Variants in OGT observed in about 807,000 individuals in gnomAD.
OGT encodes O-linked N-acetylglucosamine (GlcNAc) transferase, also known as UDP-N-acetylglucosamine--peptide N-acetylglucosaminyltransferase 110 kDa subunit.
OGT carries 3 observed loss-of-function variants against 75.8 expected under a neutral mutation model. That is an observed-to-expected ratio of 0.04 (90% CI 0.02 to 0.10). The LOEUF is 0.10. OGT is among the 10% of genes least tolerant of loss of function. The probability of loss-of-function intolerance (pLI) is 1.00; values close to 1 mark genes in which losing one functional copy is unlikely to be tolerated. For synonymous variants in OGT, 257 were observed against 289.7 expected, an observed-to-expected ratio of 0.89 and a Z score of 1.15; for missense variants, 260 against 824.4, an observed-to-expected ratio of 0.32 and a Z score of 8.38.
In OGT at chrX:71,559,620, C is replaced by T. The variant is rs776321301; in HGVS notation, c.1794C>T (p.Gly598=). ...VFCYALSPDD[G]TNFRVKVMAE... ...GTTATGCCCTGAGCCCAGACGATGGCACAAACTTCCGAGTGAAGGTGATGG... is the reference window on the plus strand; with the variant it reads ...GTTATGCCCTGAGCCCAGACGATGGTACAAACTTCCGAGTGAAGGTGATGG... Residue 598 remains glycine, a synonymous_variant, in exon 14 of 22, where the codon GGC becomes GGT. Transcript: ENST00000373719. The T allele has an allele frequency of 1.7e-6, 2 of 1,210,922 alleles. No individual in the cohort carries two copies. Among genetic ancestry groups the T allele is most frequent in the Admixed American group, 4.3e-5 (2 of 46,027 alleles).
At position 71,558,576 on chromosome X, in the gene OGT, C is replaced by T. The variant is rs1481689324; in HGVS notation, c.1603-691C>T. 4.2e-4 allele frequency among the ~76,000 whole-genome samples: 46 copies of T among 108,704 alleles called. No individual in the cohort carries two copies. The Admixed American group carries it at 4.5e-3, about 11-fold the overall frequency. 94.4% of individuals were successfully genotyped at this position (108,704 alleles called of 115,157 possible). Reference sequence around the variant, plus strand: ...GGGCTTTGCCATGCTAGGCTGGTCTCGAAATCCTGACCTCAGGTGATCCAC... The same window carrying T: ...GGGCTTTGCCATGCTAGGCTGGTCTTGAAATCCTGACCTCAGGTGATCCAC... On this transcript the variant is annotated intron_variant, in intron 12 of 21. Coordinates refer to ENST00000373719, the MANE Select transcript of OGT (RefSeq NM_181672.3).
At chrX:71,557,173 TC>T (rs2040348674) in intron 10 of OGT, 21 bp from the exon 11 acceptor site, 13 of 1,202,669 alleles carry the variant, frequency 1.1e-5, no homozygotes, top group Non-Finnish European at 1.4e-5. Flanking sequence ...TTTTTTACCA[TC>T]CTGCTTTATT....
At chrX:71,568,218 T>A in intron 21 of OGT, 102 bp downstream of exon 21, 1 of 664,010 alleles carries the variant, frequency 1.5e-6, no homozygotes, top group Non-Finnish European at 2.2e-6. Flanking sequence ...ATAGGTGAAC[T>A]AGTTGTATGC....
At chrX:71,555,598 T>C (rs2040337359) in intron 7 of OGT, among the ~76,000 whole-genome samples, 1 of 111,773 alleles carries the variant, frequency 8.9e-6, no homozygotes, top group Admixed American at 9.5e-5. Flanking sequence ...GGCACACACC[T>C]GTAGTCCCAG....
intron 2 of OGT, 112 bp from the exon 3 acceptor site, chrX:71,537,717 T>C: frequency 1.1e-6 from 1 of 902,856 alleles, no homozygotes; most frequent in South Asian, 2.5e-5. Flanking sequence ...AAAGATAAGG[T>C]ATTATATAAT....
intron 14 of OGT, among the ~76,000 whole-genome samples, chrX:71,560,761 A>AT (rs778824622): frequency 9.0e-6 from 1 of 111,440 alleles, no homozygotes; most frequent in South Asian, 3.8e-4. Context: ...ACCAAGAAGC[A>AT]TACCTCTTTC....
At chrX:71,570,701 C>T (rs917779761) in intron 21 of OGT, among the ~76,000 whole-genome samples, 2 of 109,483 alleles carry the variant, frequency 1.8e-5, no homozygotes, top group East Asian at 5.8e-4. Flanking sequence ...TAGAACATCA[C>T]ATACGTCTAA....
At chrX:71,568,201 A>C in intron 21 of OGT, 85 bp downstream of exon 21, 1 of 859,929 alleles carries the variant, frequency 1.2e-6, no homozygotes, top group Non-Finnish European at 1.6e-6. Context: ...AATAAGTGTA[A>C]TATAAAATAG....
intron 12 of OGT, among the ~76,000 whole-genome samples, chrX:71,558,013 G>A (rs1461518300): frequency 1.9e-5 from 2 of 107,353 alleles, no homozygotes; most frequent in African/African-American, 6.9e-5. Flanking sequence ...GGAGTGCAGC[G>A]GTGTGATCAT....
At chrX:71,536,610 C>T (rs1207095756) in intron 2 of OGT, 6 of 273,719 alleles carry the variant, frequency 2.2e-5, no homozygotes, top group East Asian at 1.8e-4. Context: ...CTGCTGCTTT[C>T]TAGACTCTGT....
At chrX:71,545,260 C>T (rs1193414687) in intron 4 of OGT, 1 of 111,136 alleles carries the variant, frequency 9.0e-6, no homozygotes, top group East Asian at 2.8e-4. Context: ...TTCTTTTCTT[C>T]CTCATTTCCT....
intron 14 of OGT, among the ~76,000 whole-genome samples, chrX:71,560,501 A>C (rs1367473438): frequency 9.0e-6 from 1 of 111,147 alleles, no homozygotes; most frequent in Non-Finnish European, 1.9e-5. Context: ...TGACTAATAG[A>C]GATAATATAC....
At chrX:71,537,293 C>G (rs917626287) in intron 2 of OGT, among the ~76,000 whole-genome samples, 9 of 109,240 alleles carry the variant, frequency 8.2e-5, no homozygotes, top group African/African-American at 3.0e-4. Flanking sequence ...TAACAAGACT[C>G]TAGTTAGAAT....
chrX:71,538,323 C>T (rs1224759990), intron 3 of OGT, among the ~76,000 whole-genome samples: 2 of 112,177 alleles, frequency 1.8e-5, no homozygotes, highest in Non-Finnish European at 3.8e-5. Flanking sequence ...TAAAATAACA[C>T]GTATAAAGTA....
intron 4 of OGT, chrX:71,547,422 C>T (rs755630889): frequency 1.2e-4 from 85 of 724,582 alleles, no homozygotes; most frequent in Non-Finnish European, 1.3e-4. Context: ...ACCTATTTTC[C>T]GAATTTATTT....
At chrX:71,554,672 A>C in intron 6 of OGT, 80 bp downstream of exon 6, 1 of 766,414 alleles carries the variant, frequency 1.3e-6, no homozygotes. Context: ...AAATGATGAC[A>C]ATAGTCCATT....
At chrX:71,547,660 G>A (rs1267534407) in intron 4 of OGT, 1 of 1,019,180 alleles carries the variant, frequency 9.8e-7, no homozygotes, top group Non-Finnish European at 1.2e-6. Flanking sequence ...TTGGTTGGCA[G>A]AACTGAACAT....
rs145399762 is a variant in OGT, at chrX:71,572,510, A to G, written c.2967-1110A>G. On this transcript the variant is annotated intron_variant, in intron 21 of 21. Coordinates refer to ENST00000373719, the MANE Select transcript of OGT (RefSeq NM_181672.3). ...AAGTTGGGCGTGGTGGCGCATGCCTATAATCCCGGCGCTTTAAGAGGCTGA... is the reference window on the plus strand; with the variant it reads ...AAGTTGGGCGTGGTGGCGCATGCCTGTAATCCCGGCGCTTTAAGAGGCTGA... 1.6e-3 allele frequency among the ~76,000 whole-genome samples: 178 copies of G among 112,553 alleles called. 1 individual carries two copies. The highest frequency in any genetic ancestry group is 5.6e-3 in the African/African-American group (175 of 30,999).
At position 71,537,818 on chromosome X, in the gene OGT, G is replaced by A. The variant is rs756325672; in HGVS notation, c.219-11G>A. The A allele has an allele frequency of 9.1e-6, 11 of 1,208,936 alleles. No individual in the cohort carries two copies. The highest frequency in any genetic ancestry group is 1.7e-5 in the African/African-American group (1 of 57,233). On this transcript the variant is annotated splice_polypyrimidine_tract_variant and intron_variant, in intron 2 of 21. Transcript: ENST00000373719. ...GCATACCCATGCATTAACACTTGTC[G>A]CCTTTTCCAGATCTGCTCACTTTAG...
Sources: allele counts gnomAD v4.1 joint callset (sites outside exome capture counted in the v4.1 genomes callset), GRCh38; gene constraint gnomAD v4.1.1; transcripts MANE v1.5; gene names NCBI Gene and HGNC (gene_info 2026-07-23, HGNC 2026-07-21).